Variants in C8A observed in about 807,000 individuals in gnomAD.
The protein encoded by C8A is complement C8 alpha chain.
A neutral mutation model predicts 65.3 loss-of-function variants in C8A; 67 were observed. The ratio of observed to expected loss-of-function variants is 1.03; its 90% CI spans 0.84 to 1.26. The LOEUF (loss-of-function observed/expected upper bound fraction) is 1.26, where lower values mean the gene tolerates loss of function less well. Ranked by LOEUF, C8A falls within the 50% of genes most tolerant of loss-of-function variation. The probability of loss-of-function intolerance (pLI) is 0.00; values close to 1 mark genes in which losing one functional copy is unlikely to be tolerated. For missense variants in C8A, 781 were observed against 723.9 expected, an observed-to-expected ratio of 1.08 and a Z score of -0.90; for synonymous variants, 290 against 259.4, an observed-to-expected ratio of 1.12 and a Z score of -1.13.
At chr1:56,866,417 A>G (rs1644088599) in intron 1 of C8A, among the ~76,000 whole-genome samples, 1 of 152,212 alleles carries the variant, frequency 6.6e-6, no homozygotes, top group Non-Finnish European at 1.5e-5. Context: ...GTCTTTAGTA[A>G]TTTGCTGAAA....
intron 9 of C8A, among the ~76,000 whole-genome samples, chr1:56,909,189 C>T (rs1644488885): frequency 6.6e-6 from 1 of 152,216 alleles, no homozygotes. Flanking sequence ...CTATTTCTGT[C>T]CATATGTGGT....
chr1:56,913,133 G>A (rs1644523418), intron 10 of C8A, among the ~76,000 whole-genome samples: 1 of 152,224 alleles, frequency 6.6e-6, no homozygotes, highest in Admixed American at 6.5e-5. Flanking sequence ...CTGTCTTCGT[G>A]TGGCATTCTT....
chr1:56,905,992 A>T (rs1644461476), intron 7 of C8A, among the ~76,000 whole-genome samples: 1 of 152,154 alleles, frequency 6.6e-6, no homozygotes, highest in South Asian at 2.1e-4. Flanking sequence ...GTAGACAAAT[A>T]CAGAGATGGC....
intron 1 of C8A, among the ~76,000 whole-genome samples, chr1:56,855,632 A>G (rs1008002295): frequency 4.5e-5 from 4 of 89,018 alleles, no homozygotes; most frequent in African/African-American, 2.1e-4. Flanking sequence ...AGCTTGCTTC[A>G]TGGGTTTTTT....
chr1:56,860,510 A>C (rs1210952118), intron 1 of C8A, among the ~76,000 whole-genome samples: 6 of 152,204 alleles, frequency 3.9e-5, no homozygotes, highest in Non-Finnish European at 2.9e-5. Context: ...TCATTTGAAA[A>C]AATTTTCTTG....
chr1:56,896,536 G>A (rs973525630), intron 7 of C8A, among the ~76,000 whole-genome samples: 1 of 152,156 alleles, frequency 6.6e-6, no homozygotes, highest in Non-Finnish European at 1.5e-5. Context: ...CAGTCTTTTT[G>A]TTCTAGTCAG....
chr1:56,870,079 C>T (rs1246052205), intron 2 of C8A, among the ~76,000 whole-genome samples: 1 of 152,094 alleles, frequency 6.6e-6, no homozygotes, highest in Non-Finnish European at 1.5e-5. Context: ...TGTGTCTGAT[C>T]CCTACGTGCT....
intron 1 of C8A, among the ~76,000 whole-genome samples, chr1:56,855,229 G>C (rs1315271935): frequency 6.6e-6 from 1 of 152,166 alleles, no homozygotes; most frequent in Non-Finnish European, 1.5e-5. Context: ...TCATCGGTTT[G>C]ATCCTTAGTT....
chr1:56,901,058 G>A (rs1242910872), intron 7 of C8A, among the ~76,000 whole-genome samples: 2 of 152,132 alleles, frequency 1.3e-5, no homozygotes, highest in Admixed American at 6.5e-5. Flanking sequence ...TTATTCTCAG[G>A]TGTTTTGGAA....
chr1:56,873,751 G>A (rs1330772724), intron 2 of C8A, among the ~76,000 whole-genome samples: 2 of 152,124 alleles, frequency 1.3e-5, no homozygotes, highest in Non-Finnish European at 2.9e-5. Flanking sequence ...GGAAATACAG[G>A]GCTGCACGTT....
intron 7 of C8A, among the ~76,000 whole-genome samples, chr1:56,887,706 C>A (rs1450194814): frequency 6.6e-6 from 1 of 152,166 alleles, no homozygotes; most frequent in African/African-American, 2.4e-5. Context: ...CAGCAGCATT[C>A]ACAATAACAA....
intron 7 of C8A, among the ~76,000 whole-genome samples, chr1:56,897,072 T>C (rs1430903359): frequency 6.6e-6 from 1 of 152,222 alleles, no homozygotes; most frequent in Non-Finnish European, 1.5e-5. Context: ...TTTCTTGCAG[T>C]AAACCTAGAT....
intron 1 of C8A, among the ~76,000 whole-genome samples, chr1:56,861,807 T>A (rs530439041): frequency 6.6e-6 from 1 of 152,314 alleles, no homozygotes; most frequent in South Asian, 2.1e-4. Flanking sequence ...TTAGTGATAA[T>A]CAGATTTTAA....
At chr1:56,913,138 A>G (rs1644523467) in intron 10 of C8A, among the ~76,000 whole-genome samples, 2 of 152,042 alleles carry the variant, frequency 1.3e-5, no homozygotes, top group African/African-American at 4.8e-5. Context: ...TTCGTGTGGC[A>G]TTCTTCCCTC....
intron 7 of C8A, among the ~76,000 whole-genome samples, chr1:56,899,056 T>A (rs1007781051): frequency 1.3e-5 from 2 of 152,136 alleles, no homozygotes; most frequent in Non-Finnish European, 2.9e-5. Flanking sequence ...AGCTCCAGGC[T>A]TTATCCCCAG....
intron 1 of C8A, among the ~76,000 whole-genome samples, chr1:56,857,575 A>C (rs527486728): frequency 2.0e-5 from 3 of 152,192 alleles, no homozygotes; most frequent in South Asian, 4.1e-4. Context: ...TGCTTTAGCT[A>C]GTCTAACAAT....
At position 56,898,893 on chromosome 1, in the gene C8A, G is replaced by A. The variant is rs149552918; in HGVS notation, c.1097-7774G>A. Among the ~76,000 whole-genome samples the A allele has an allele frequency of 2.2e-3, 332 of 152,278 alleles. 1 individual carries two copies. Among genetic ancestry groups the A allele is most frequent in the African/African-American group, 7.2e-3 (301 of 41,564 alleles). On this transcript the variant is annotated intron_variant, in intron 7 of 10. Coordinates refer to ENST00000361249, the MANE Select transcript of C8A (RefSeq NM_000562.3). The stretch of plus-strand genomic sequence containing the variant: ...AGTTCTGAACTGAATTGGACAATAA[G>A]GAGGGTAAGGTGGGCAGGAATCTTA...
intron 1 of C8A, among the ~76,000 whole-genome samples, chr1:56,863,493 T>C (rs562702213): frequency 6.6e-6 from 1 of 152,332 alleles, no homozygotes; most frequent in East Asian, 1.9e-4. Context: ...ACTGTTTCCC[T>C]CTGGTTTGAC....
intron 1 of C8A, among the ~76,000 whole-genome samples, chr1:56,861,144 T>C (rs1407399980): frequency 6.6e-6 from 1 of 152,210 alleles, no homozygotes; most frequent in East Asian, 1.9e-4. Flanking sequence ...TTGTGTTTTA[T>C]TGAGCACCTA....
Sources: allele counts gnomAD v4.1 joint callset (sites outside exome capture counted in the v4.1 genomes callset), GRCh38; gene constraint gnomAD v4.1.1; transcripts MANE v1.5; gene names NCBI Gene and HGNC (gene_info 2026-07-23, HGNC 2026-07-21).